Variants in ADD1 observed in about 807,000 individuals in gnomAD.
ADD1 encodes adducin 1, also known as alpha-adducin.
Under a neutral mutation model 80.5 loss-of-function variants are expected in ADD1, and 24 were observed. The observed-to-expected ratio is 0.30, with a 90% CI of 0.22 to 0.42. The LOEUF is 0.42. Ranked by LOEUF, ADD1 falls within the 10% of genes least tolerant of loss-of-function variation. ADD1 has a pLI of 1.00. For synonymous variants in ADD1, 373 were observed against 393.8 expected (o/e 0.95, Z 0.63); for missense variants, 948 against 1,019.0 (o/e 0.93, Z 0.95).
At chr4:2,898,813 T>G in intron 8 of ADD1, 1 of 450,732 alleles carries the variant, frequency 2.2e-6, no homozygotes, top group African/African-American at 2.0e-5. Context: ...CATCAGGTGC[T>G]TAGTGTGTGT....
chr4:2,891,587 A>T (rs529345704), intron 4 of ADD1, among the ~76,000 whole-genome samples: 2 of 152,318 alleles, frequency 1.3e-5, no homozygotes, highest in South Asian at 4.1e-4. Flanking sequence ...ACCCCTAGCA[A>T]TGATTTAGTG....
intron 14 of ADD1, among the ~76,000 whole-genome samples, chr4:2,923,256 G>A (rs1210483529): frequency 6.6e-6 from 1 of 152,248 alleles, no homozygotes; most frequent in African/African-American, 2.4e-5. Flanking sequence ...GAAACCCAGG[G>A]TCCTGGTGTC....
chr4:2,849,283 A>G (rs1726715638), intron 1 of ADD1, among the ~76,000 whole-genome samples: 1 of 152,226 alleles, frequency 6.6e-6, no homozygotes, highest in Non-Finnish European at 1.5e-5. Context: ...CTTTATTACC[A>G]GAAATATTAT....
intron 2 of ADD1, 142 bp downstream of exon 2, chr4:2,876,252 T>G (rs911093750): frequency 2.8e-6 from 2 of 704,200 alleles, no homozygotes; most frequent in Admixed American, 3.5e-5. Flanking sequence ...ATATGGTTGT[T>G]GAAAGAATTC....
chr4:2,911,448 A>ATATATATTTTTTTTTT (rs553567632), intron 13 of ADD1, among the ~76,000 whole-genome samples: 2 of 130,520 alleles, frequency 1.5e-5, no homozygotes, highest in South Asian at 2.4e-4. Context: ...ATATATATAT[A>ATATATATTTTTTTTTT]TTTTTTTTTT....
chr4:2,903,199 TC>T (rs1376617239), intron 9 of ADD1, among the ~76,000 whole-genome samples: 1 of 152,196 alleles, frequency 6.6e-6, no homozygotes, highest in Non-Finnish European at 1.5e-5. Flanking sequence ...GTCTTGTATG[TC>T]TGACCCTGTG....
chr4:2,847,661 G>T (rs1189142744), intron 1 of ADD1, among the ~76,000 whole-genome samples: 1 of 151,856 alleles, frequency 6.6e-6, no homozygotes, highest in African/African-American at 2.4e-5. Flanking sequence ...CAGAAGTCCT[G>T]ATTGACATGT....
At position 2,888,231 on chromosome 4, in the gene ADD1, C is replaced by T. The variant is rs933865828; in HGVS notation, c.510+3565C>T. Among the ~76,000 whole-genome samples the T allele has an allele frequency of 3.3e-5, 5 of 150,904 alleles. No homozygotes were observed. In the East Asian group the frequency reaches 7.9e-4, roughly 24 times the overall value. ...GCCACCATGCGCAGGTGTGCACCAC[C>T]ATGCCACTAGCTGATTTTAGTATTT... On this transcript the variant is annotated intron_variant, in intron 4 of 15. Coordinates refer to ENST00000683351, the MANE Select transcript of ADD1 (RefSeq NM_001354761.2).
intron 1 of ADD1, among the ~76,000 whole-genome samples, chr4:2,864,717 A>G (rs910583785): frequency 1.3e-5 from 2 of 151,404 alleles, no homozygotes; most frequent in Non-Finnish European, 2.9e-5. Context: ...CTCCCTCTGG[A>G]GTCTACTCTC....
At chr4:2,869,428 A>G (rs1209492952) in intron 1 of ADD1, among the ~76,000 whole-genome samples, 1 of 152,200 alleles carries the variant, frequency 6.6e-6, no homozygotes, top group Non-Finnish European at 1.5e-5. Flanking sequence ...CCGTTTTATA[A>G]GGACATAAGT....
intron 1 of ADD1, among the ~76,000 whole-genome samples, chr4:2,874,440 C>G (rs1316767839): frequency 1.3e-5 from 2 of 151,828 alleles, no homozygotes; most frequent in Admixed American, 6.6e-5. Context: ...AACGCCGTCT[C>G]TACTAAAAAT....
intron 14 of ADD1, among the ~76,000 whole-genome samples, chr4:2,918,692 A>G (rs924591242): frequency 3.8e-4 from 58 of 152,284 alleles, no homozygotes; most frequent in African/African-American, 1.3e-3. Flanking sequence ...CATTCCATCA[A>G]TACCTAGTTT....
intron 4 of ADD1, among the ~76,000 whole-genome samples, chr4:2,892,104 TG>T (rs1296429322): frequency 6.6e-6 from 1 of 152,148 alleles, no homozygotes; most frequent in Non-Finnish European, 1.5e-5. Context: ...TGAGGGAGGC[TG>T]GGGTAAGCAT....
rs566610729 is a variant in ADD1, at chr4:2,850,294, A to C, written c.-21+6270A>C. On this transcript the variant is annotated intron_variant, in intron 1 of 15. Transcript: ENST00000683351. ...TGTTTTTTGTTTTTTGTGAGACTGA[A>C]TCTCACTCTCTTGCCCAGGCTGGAG... 7.9e-5 allele frequency among the ~76,000 whole-genome samples: 12 copies of C among 152,268 alleles called. No homozygotes were observed. In the South Asian group the frequency reaches 2.5e-3, roughly 32 times the overall value.
At chr4:2,915,073 C>T in intron 14 of ADD1, 33 bp downstream of exon 14, 1 of 1,580,584 alleles carries the variant, frequency 6.3e-7, no homozygotes, top group Non-Finnish European at 8.6e-7. Flanking sequence ...ACGGCCACTC[C>T]AGAAGGTGAA....
rs1472247853 is a variant in ADD1 at position 2,884,660 on chromosome 4, T to C, written c.504T>C (p.His168=). 6.2e-7 allele frequency: 1 copy of C among 1,606,158 alleles called. No individual in the cohort carries two copies. Among genetic ancestry groups the C allele is most frequent in the East Asian group, 2.2e-5 (1 of 44,694 alleles). ...GGTGGTCTCAGCTTATCTACAATCATATCACAGTGAGTATTAAATGGGCTA... is the reference window on the plus strand; with the variant it reads ...GGTGGTCTCAGCTTATCTACAATCACATCACAGTGAGTATTAAATGGGCTA... ...LFGWSQLIYN[H]ITTRVNSEQE... The change falls in exon 4 of 16, where the codon CAT becomes CAC. Residue 168 remains histidine (H), a synonymous_variant. Coordinates refer to ENST00000683351, the MANE Select transcript of ADD1 (RefSeq NM_001354761.2).
intron 4 of ADD1, among the ~76,000 whole-genome samples, chr4:2,886,465 G>A (rs1435157404): frequency 6.6e-6 from 1 of 152,150 alleles, no homozygotes; most frequent in Admixed American, 6.5e-5. Context: ...TCATGCTCCT[G>A]TGTGCGGCAC....
intron 2 of ADD1, among the ~76,000 whole-genome samples, chr4:2,880,492 TTG>T (rs1732105774): frequency 5.3e-5 from 7 of 133,052 alleles, no homozygotes; most frequent in East Asian, 2.3e-4. Flanking sequence ...TTTTTTTTTT[TTG>T]AGACGGAGTC....
intron 13 of ADD1, among the ~76,000 whole-genome samples, chr4:2,909,941 C>T (rs892471951): frequency 3.4e-5 from 5 of 144,964 alleles, no homozygotes; most frequent in Non-Finnish European, 6.0e-5. Context: ...TTTGTCAGCC[C>T]TTGATAAAAT....
Sources: gnomAD v4.1 joint callset for allele counts (sites outside exome capture counted in the v4.1 genomes callset) on GRCh38, gnomAD v4.1.1 for gene constraint, MANE v1.5 for transcripts, NCBI Gene and HGNC (gene_info 2026-07-23, HGNC 2026-07-21) for gene names.